The following PDZD2 variants were observed in gnomAD, a reference collection of about 807,000 sequenced individuals.
PDZD2 encodes the protein PDZ domain containing 2.
PDZD2 carries 90 observed loss-of-function variants against 220.7 expected under a neutral mutation model. The observed-to-expected ratio is 0.41, with a 90% CI of 0.34 to 0.49. The LOEUF is 0.49. Ranked by LOEUF, PDZD2 falls within the 20% of genes least tolerant of loss-of-function variation. The pLI is 0.28. For synonymous variants in PDZD2, 1,375 were observed against 1,450.5 expected, an observed-to-expected ratio of 0.95 and a Z score of 1.18; for missense variants, 3,174 against 3,608.5, an observed-to-expected ratio of 0.88 and a Z score of 3.08.
rs1038537367 is a variant in PDZD2, at chr5:31,646,049, G to A, written c.-361+6612G>A. On this transcript the variant is annotated intron_variant, in intron 1 of 24. Coordinates refer to ENST00000438447, the MANE Select transcript of PDZD2 (RefSeq NM_178140.4). The surrounding 1 kb of genome is among the most constrained non-coding windows in gnomAD (Gnocchi z 4.7). ...GTGTCAGGGAGCTTTGCACTGCGGG[G>A]GGGCCTTCTCACTACTGTCACTCCT... is the stretch of plus-strand genomic sequence containing the variant. Among the ~76,000 whole-genome samples the A allele has an allele frequency of 2.0e-5, 3 of 152,154 alleles. No homozygotes were observed. Among genetic ancestry groups the A allele is most frequent in the East Asian group, 3.9e-4 (2 of 5,142 alleles).
chr5:31,732,971 C>A (rs1307831351), intron 1 of PDZD2, among the ~76,000 whole-genome samples: 3 of 152,172 alleles, frequency 2.0e-5, no homozygotes, highest in African/African-American at 7.2e-5. Context: ...TCAGGTGATG[C>A]GCCTGCCTCG....
chr5:31,702,948 C>G (rs1043410580), intron 1 of PDZD2, among the ~76,000 whole-genome samples: 1 of 152,194 alleles, frequency 6.6e-6, no homozygotes, highest in African/African-American at 2.4e-5. Flanking sequence ...TTCAGTCTGC[C>G]GGGGCAGGGG....
At chr5:31,864,061 G>C (rs1289181828) in intron 2 of PDZD2, among the ~76,000 whole-genome samples, 1 of 152,054 alleles carries the variant, frequency 6.6e-6, no homozygotes, top group African/African-American at 2.4e-5. Context: ...TGCTTTTTCT[G>C]TTTCTGGTTG....
At chr5:31,795,396 A>G (rs1753968101) in intron 1 of PDZD2, among the ~76,000 whole-genome samples, 1 of 152,226 alleles carries the variant, frequency 6.6e-6, no homozygotes, top group Non-Finnish European at 1.5e-5. Context: ...TGCTAAGGCT[A>G]GCAGCTTCAA....
In PDZD2 at chr5:31,910,124, G is replaced by T. The variant is rs531367779; in HGVS notation, c.477-73031G>T. 6.6e-5 allele frequency among the ~76,000 whole-genome samples: 10 copies of T among 151,772 alleles called. No individual in the cohort carries two copies. The South Asian group carries it at 2.1e-3, about 32-fold the overall frequency. ...TATTCAGGGAACTAAGGTTCAGAAA[G>T]GTCAAATAACTTACCTATGCGCTCA... On this transcript the variant is annotated intron_variant, in intron 2 of 24. Coordinates refer to ENST00000438447, the MANE Select transcript of PDZD2 (RefSeq NM_178140.4).
intron 2 of PDZD2, among the ~76,000 whole-genome samples, chr5:31,912,622 T>C (rs1254271461): frequency 6.6e-6 from 1 of 152,228 alleles, no homozygotes; most frequent in Non-Finnish European, 1.5e-5. Context: ...AAGGTTCGCC[T>C]TGTTCTGTTT....
rs188735304 is a variant in PDZD2 at position 31,912,283 on chromosome 5, G to C, written c.477-70872G>C. On this transcript the variant is annotated intron_variant, in intron 2 of 24. Coordinates refer to ENST00000438447, the MANE Select transcript of PDZD2 (RefSeq NM_178140.4). ...CTTGCTGGGTCTTCATATGGTGGAA[G>C]AGGCCAGGCAGTTCTCTAGGGTATC... Among the ~76,000 whole-genome samples the C allele has an allele frequency of 3.9e-5, 6 of 152,228 alleles. No individual in the cohort carries two copies. The East Asian group carries it at 1.2e-3, about 29-fold the overall frequency.
chr5:32,072,896 C>T (rs1740892698), intron 17 of PDZD2, among the ~76,000 whole-genome samples: 1 of 152,086 alleles, frequency 6.6e-6, no homozygotes, highest in South Asian at 2.1e-4. Flanking sequence ...AACCTGATGC[C>T]CTTACATTTT....
chr5:31,849,935 CATATATATATATA>C (rs1757863659), intron 2 of PDZD2, among the ~76,000 whole-genome samples: 1 of 19,184 alleles, frequency 5.2e-5, no homozygotes, highest in Non-Finnish European at 8.6e-5. Flanking sequence ...TATATATACA[CATATATATATATA>C]CATATATATA....
intron 10 of PDZD2, among the ~76,000 whole-genome samples, 180 bp from the exon 11 acceptor site, chr5:32,057,475 T>C (rs1469147177): frequency 6.6e-6 from 1 of 152,228 alleles, no homozygotes; most frequent in African/African-American, 2.4e-5. Flanking sequence ...CAAAAGAATA[T>C]GTGTTGTCAT....
chr5:31,824,961 A>T (rs899847092), intron 2 of PDZD2, among the ~76,000 whole-genome samples: 2 of 152,192 alleles, frequency 1.3e-5, no homozygotes, highest in Non-Finnish European at 2.9e-5. Flanking sequence ...GTTTGTAGAA[A>T]AACAGACCCT....
chr5:31,995,527 C>A (rs368839904), intron 3 of PDZD2, 49 bp from the exon 4 acceptor site: 25 of 1,608,578 alleles, frequency 1.6e-5, no homozygotes, highest in Non-Finnish European at 2.0e-5. Context: ...TGTGTCAATG[C>A]CGTGTGTCTG....
chr5:31,688,155 T>G (rs76048530), intron 1 of PDZD2, among the ~76,000 whole-genome samples: 5,271 of 152,188 alleles, frequency 0.035, 120 homozygotes, highest in South Asian at 0.075. Flanking sequence ...AAAGTGGAAC[T>G]ATTACAAGAG....
intron 19 of PDZD2, among the ~76,000 whole-genome samples, chr5:32,081,665 T>C (rs968716903): frequency 2.0e-5 from 3 of 152,238 alleles, no homozygotes; most frequent in Non-Finnish European, 4.4e-5. Flanking sequence ...TCCAGTGTTA[T>C]TACAAATAGC....
At chr5:31,993,336 C>G (rs1751377653) in intron 3 of PDZD2, among the ~76,000 whole-genome samples, 1 of 152,204 alleles carries the variant, frequency 6.6e-6, no homozygotes, top group East Asian at 1.9e-4. Flanking sequence ...ACAGTTGGCA[C>G]CAGCGTCTGT....
In PDZD2 at chr5:31,646,980, T is replaced by C. The variant is rs1443531004; in HGVS notation, c.-361+7543T>C. ...GAATTGCATTAACTCCTCTCTGGAC[T>C]TACTGCTCATCTTTAAAAACCTAAG... On this transcript the variant is annotated intron_variant, in intron 1 of 24. Coordinates refer to ENST00000438447, the MANE Select transcript of PDZD2 (RefSeq NM_178140.4). The surrounding 1 kb of genome is among the most constrained non-coding windows in gnomAD (Gnocchi z 4.7). Among the ~76,000 whole-genome samples the C allele has an allele frequency of 6.6e-6, 1 of 152,218 alleles. No homozygotes were observed. Among genetic ancestry groups the C allele is most frequent in the Non-Finnish European group, 1.5e-5 (1 of 68,038 alleles).
Position 31,850,456 on chromosome 5 carries a change from G to T in PDZD2, c.476+50732G>T, listed in dbSNP as rs1305308524. On this transcript the variant is annotated intron_variant, in intron 2 of 24. Transcript: ENST00000438447. ...GATGGAATAACAGTGGAACGCTATA[G>T]TTCTAGAAGGGAATAGAAGGCGTTT... Among the ~76,000 whole-genome samples the T allele has an allele frequency of 4.6e-5, 7 of 151,624 alleles. No individual in the cohort carries two copies. The East Asian group carries it at 1.4e-3, about 29-fold the overall frequency.
intron 2 of PDZD2, among the ~76,000 whole-genome samples, chr5:31,878,555 C>CT (rs397884384): frequency 0.5 from 23,475 of 47,358 alleles, 8,601 homozygotes; most frequent in South Asian, 0.67. Context: ...ATGACCTCGG[C>CT]TTTTTTTTTT....
At chr5:31,908,642 T>TATCA (rs113598777) in intron 2 of PDZD2, 925,818 of 1,056,366 alleles carry the variant, frequency 0.88, 413,529 homozygotes, top group Non-Finnish European at 0.94. Flanking sequence ...GGTTACGTGA[T>TATCA]ATCAAAGACA....
Sources: gnomAD v4.1 joint callset for allele counts (sites outside exome capture counted in the v4.1 genomes callset) on GRCh38, gnomAD v4.1.1 for gene constraint, Gnocchi (gnomAD v3.1) non-coding constraint, MANE v1.5 for transcripts, NCBI Gene and HGNC (gene_info 2026-07-23, HGNC 2026-07-21) for gene names.